PCTP: variants seen among roughly 807,000 people sequenced by gnomAD.
PCTP encodes the protein START domain-containing protein 2.
PCTP carries 27 observed loss-of-function variants against 31.0 expected under a neutral mutation model. The ratio of observed to expected loss-of-function variants is 0.87; its 90% CI spans 0.64 to 1.20. PCTP has a LOEUF of 1.20. PCTP is among the 50% of genes most tolerant of loss of function. The probability of loss-of-function intolerance (pLI) is 0.00; values close to 1 mark genes in which losing one functional copy is unlikely to be tolerated. For synonymous variants in PCTP, 108 were observed against 101.2 expected (o/e 1.07, Z -0.40); for missense variants, 287 against 268.2 (o/e 1.07, Z -0.49).
At chr17:55,782,955 A>G (rs1309654515) in intron 2 of PCTP, among the ~76,000 whole-genome samples, 2 of 152,214 alleles carry the variant, frequency 1.3e-5, no homozygotes, top group African/African-American at 4.8e-5. Flanking sequence ...TACTCAATAG[A>G]TAGAGCACAA....
chr17:55,807,556 T>G (rs1345856552), intron 3 of PCTP, among the ~76,000 whole-genome samples: 5 of 152,164 alleles, frequency 3.3e-5, no homozygotes, highest in African/African-American at 1.2e-4. Context: ...ACAGTAAATC[T>G]CTGACTGATA....
chr17:55,808,592 T>A (rs1287678190), intron 3 of PCTP, among the ~76,000 whole-genome samples: 2 of 152,210 alleles, frequency 1.3e-5, no homozygotes, highest in East Asian at 3.8e-4. Flanking sequence ...AAGGGTCACA[T>A]CAACCCAAAG....
chr17:55,787,214 C>A (rs945489403), intron 2 of PCTP, among the ~76,000 whole-genome samples: 1 of 151,046 alleles, frequency 6.6e-6, no homozygotes, highest in African/African-American at 2.4e-5. Flanking sequence ...TTATCTCATG[C>A]GTTTTCTGCT....
rs747635553 is a variant in PCTP at position 55,776,353 on chromosome 17, G to A, written c.*253G>A. On this transcript the variant is annotated 3_prime_UTR_variant, in exon 6 of 6. Coordinates refer to ENST00000268896, the MANE Select transcript of PCTP (RefSeq NM_021213.4). ...CGCTCCCCCCATCCTGGGCTGGGCTGCCTTCTTCTACAGTTCAATATGGGG... is the reference window on the plus strand; with the variant it reads ...CGCTCCCCCCATCCTGGGCTGGGCTACCTTCTTCTACAGTTCAATATGGGG... 17 of 1,346,140 alleles carry A rather than the reference G, an allele frequency of 1.3e-5. No homozygotes were observed. Among genetic ancestry groups the A allele is most frequent in the Non-Finnish European group, 1.6e-5 (17 of 1,053,364 alleles). 83.4% of individuals were successfully genotyped at this position (1,346,140 alleles called of 1,614,324 possible). A position where few individuals can be genotyped will look rare whatever the true frequency, so the allele number is the denominator to read the frequency against.
chr17:55,837,621 CT>C (rs1435109148), intron 5 of PCTP, among the ~76,000 whole-genome samples: 3 of 152,170 alleles, frequency 2.0e-5, no homozygotes, highest in Non-Finnish European at 4.4e-5. Context: ...CTTCCTTTCT[CT>C]TTGTCTCCCT....
intron 5 of PCTP, among the ~76,000 whole-genome samples, chr17:55,838,959 G>T (rs992708386): frequency 1.3e-5 from 2 of 152,134 alleles, no homozygotes; most frequent in Non-Finnish European, 2.9e-5. Context: ...ATCTAATTCT[G>T]TCATCTTGCT....
At chr17:55,753,142 C>A (rs965848592) in intron 1 of PCTP, among the ~76,000 whole-genome samples, 15 of 152,218 alleles carry the variant, frequency 9.9e-5, no homozygotes. Context: ...ACTGCTCAGA[C>A]GTGTCTAGCA....
intron 3 of PCTP, among the ~76,000 whole-genome samples, chr17:55,807,228 T>G (rs1405044197): frequency 6.6e-6 from 1 of 152,182 alleles, no homozygotes; most frequent in East Asian, 1.9e-4. Flanking sequence ...ATCATCACCA[T>G]GACTGCTTCT....
chr17:55,776,369 C>A lies in PCTP; in HGVS notation c.*269C>A, dbSNP rs769398310. 2.3e-6 allele frequency: 3 copies of A among 1,302,388 alleles called. No homozygotes were observed. The highest frequency in any genetic ancestry group is 2.9e-6 in the Non-Finnish European group (3 of 1,028,948). 80.7% of individuals were successfully genotyped at this position (1,302,388 alleles called of 1,614,324 possible). On this transcript the variant is annotated 3_prime_UTR_variant, in exon 6 of 6. Transcript: ENST00000268896. ...GGCTGGGCTGCCTTCTTCTACAGTT[C>A]AATATGGGGCAGACTAGGGAAACCT...
In PCTP at chr17:55,773,565, C is replaced by A; in HGVS notation, c.340-159C>A. ...TGGTGTGAGGCACAGTCTTGCAGTG[C>A]AGGTATGGAGACAGGGCACGTCAGT... On this transcript the variant is annotated intron_variant, in intron 3 of 5. Coordinates refer to ENST00000268896, the MANE Select transcript of PCTP (RefSeq NM_021213.4). 2 of 615,968 alleles carry A rather than the reference C, an allele frequency of 3.2e-6. 1 individual carries two copies. Among genetic ancestry groups the A allele is most frequent in the South Asian group, 4.1e-5 (2 of 49,146 alleles). The allele number at this position is 615,968 out of a possible 1,614,324, so 38.2% of individuals were successfully genotyped here.
chr17:55,812,043 G>C, intron 3 of PCTP, among the ~76,000 whole-genome samples: 1 of 152,132 alleles, frequency 6.6e-6, no homozygotes, highest in East Asian at 1.9e-4. Flanking sequence ...GTTGTGATCT[G>C]TATTTTACAG....
At chr17:55,804,139 T>C (rs1912494696) in intron 3 of PCTP, among the ~76,000 whole-genome samples, 1 of 152,046 alleles carries the variant, frequency 6.6e-6, no homozygotes, top group Non-Finnish European at 1.5e-5. Context: ...ATTAGAGAAA[T>C]GCAAATCAGA....
intron 3 of PCTP, among the ~76,000 whole-genome samples, chr17:55,789,513 T>C (rs989574108): frequency 3.9e-5 from 6 of 152,230 alleles, no homozygotes; most frequent in East Asian, 3.8e-4. Context: ...TGTGTCCTAA[T>C]TGCTGTGTCT....
intron 1 of PCTP, among the ~76,000 whole-genome samples, chr17:55,753,933 C>T (rs189901046): frequency 6.6e-6 from 1 of 152,334 alleles, no homozygotes; most frequent in East Asian, 1.9e-4. Flanking sequence ...GTGGGATGGA[C>T]CGTCTTAGGA....
At chr17:55,821,935 C>T (rs567481717) in intron 3 of PCTP, among the ~76,000 whole-genome samples, 41 of 152,234 alleles carry the variant, frequency 2.7e-4, no homozygotes, top group South Asian at 1.9e-3. Context: ...GGCTCCCAGG[C>T]GCTGTGGATA....
downstream of PCTP, among the ~76,000 whole-genome samples, chr17:55,826,221 A>G (rs1264978006): frequency 1.3e-5 from 2 of 152,150 alleles, no homozygotes; most frequent in East Asian, 3.9e-4. Context: ...TCTGCTCATC[A>G]AAGGGCAGAG....
At chr17:55,852,065 T>C in the PCTP span, among the ~76,000 whole-genome samples, 1 of 152,212 alleles carries the variant, frequency 6.6e-6, no homozygotes, top group African/African-American at 2.4e-5. Context: ...TTGCAATTTA[T>C]TTTTTTACTC....
downstream of PCTP, among the ~76,000 whole-genome samples, chr17:55,781,808 G>C (rs566813579): frequency 6.6e-6 from 1 of 152,076 alleles, no homozygotes; most frequent in Non-Finnish European, 1.5e-5. Context: ...TTTGTAGTAG[G>C]CTATACCATC....
rs185680469 is a variant in PCTP, at chr17:55,819,136, T to C, written c.318-3625T>C. On this transcript the variant is annotated intron_variant, in intron 3 of 3. Coordinates refer to the PCTP transcript ENST00000572536. ...TCATGATAGAAAACACATAACAAAC[T>C]AGAAATAGAAGGGAACTTCCCCAAC... is the stretch of plus-strand genomic sequence containing the variant. Among the ~76,000 whole-genome samples, 425 of 146,080 alleles carry C rather than the reference T, an allele frequency of 2.9e-3. 3 individuals carry two copies. Among genetic ancestry groups the C allele is most frequent in the Non-Finnish European group, 4.8e-3 (321 of 67,026 alleles).
Sources: allele counts gnomAD v4.1 joint callset (sites outside exome capture counted in the v4.1 genomes callset), GRCh38; gene constraint gnomAD v4.1.1; transcripts MANE v1.5; gene names NCBI Gene and HGNC (gene_info 2026-07-23, HGNC 2026-07-21).